The following MEGF11 variants were observed in gnomAD, a reference collection of about 807,000 sequenced individuals.
The protein encoded by MEGF11 is multiple EGF like domains 11.
A neutral mutation model predicts 146.6 loss-of-function variants in MEGF11; 126 were observed. The observed-to-expected ratio is 0.86, with a 90% CI of 0.74 to 1.00. The LOEUF (loss-of-function observed/expected upper bound fraction) is 1.00, where lower values mean the gene tolerates loss of function less well. Ranked by LOEUF, MEGF11 falls within the 50% of genes least tolerant of loss-of-function variation. The probability of loss-of-function intolerance (pLI) is 0.00; values close to 1 mark genes in which losing one functional copy is unlikely to be tolerated. For synonymous variants in MEGF11, 532 were observed against 583.4 expected, an observed-to-expected ratio of 0.91 and a Z score of 1.27; for missense variants, 1,509 against 1,521.2, an observed-to-expected ratio of 0.99 and a Z score of 0.13.
At chr15:66,018,893 G>T (rs1023789450) in intron 5 of MEGF11, among the ~76,000 whole-genome samples, 2 of 152,162 alleles carry the variant, frequency 1.3e-5, no homozygotes, top group Admixed American at 1.3e-4. Flanking sequence ...AGAAGAGAAA[G>T]AAACCAAGAA....
In MEGF11 at chr15:65,965,619, T is replaced by C. The variant is rs868203185; in HGVS notation, c.900-499A>G. Among the ~76,000 whole-genome samples, 936 of 119,762 alleles carry C rather than the reference T, an allele frequency of 7.8e-3. 1 individual carries two copies. Among genetic ancestry groups the C allele is most frequent in the Middle Eastern group, 0.028 (6 of 212 alleles). The allele number at this position is 119,762 out of a possible 152,430, so 78.6% of individuals were successfully genotyped here. On this transcript the variant is annotated intron_variant, in intron 8 of 25. Transcript: ENST00000395614. Reference sequence around the variant, plus strand: ...TTCTTTCTTTTTTTTTTTTCTTTTTTTTTTTTTTGGCTCTTCTATTCTTTT... The same window carrying C: ...TTCTTTCTTTTTTTTTTTTCTTTTTCTTTTTTTTGGCTCTTCTATTCTTTT...
At chr15:66,055,835 G>A (rs1460205471) in intron 5 of MEGF11, among the ~76,000 whole-genome samples, 2 of 152,124 alleles carry the variant, frequency 1.3e-5, no homozygotes, top group East Asian at 1.9e-4. Context: ...GCAGTTGAGG[G>A]GTGGTGGTGG....
At chr15:66,173,779 C>T (rs1404127689) in intron 1 of MEGF11, among the ~76,000 whole-genome samples, 1 of 152,208 alleles carries the variant, frequency 6.6e-6, no homozygotes, top group Non-Finnish European at 1.5e-5. Context: ...GTCCAACTCA[C>T]CCTCTACCAT....
intron 7 of MEGF11, among the ~76,000 whole-genome samples, chr15:65,973,007 C>T (rs1488310323): frequency 6.6e-6 from 1 of 151,642 alleles, no homozygotes; most frequent in African/African-American, 2.4e-5. Context: ...ATCCCAGCTA[C>T]TGGGGAGGCT....
rs1467305729 is a variant in MEGF11 at position 65,982,472 on chromosome 15, G to C, written c.411C>G (p.His137Gln). 12 of 1,479,988 alleles carry C rather than the reference G, an allele frequency of 8.1e-6. No individual in the cohort carries two copies. The African/African-American group carries it at 1.7e-4, about 21-fold the overall frequency. 91.7% of individuals were successfully genotyped at this position (1,479,988 alleles called of 1,614,324 possible). ...ACCGGTTGCTGCAGTGGGGCCCCCAGTGGTCGCTGTCGCAGCCTGCAAGAG... is the reference window on the plus strand; with the variant it reads ...ACCGGTTGCTGCAGTGGGGCCCCCACTGGTCGCTGTCGCAGCCTGCAAGAG... ...PDCSSGCDSDHWGPHCSNRCQ... is the reference protein window; with the variant it reads ...PDCSSGCDSDQWGPHCSNRCQ... Residue 137 changes from histidine (H) to glutamine (Q), a missense_variant, in exon 6 of 26, where the codon CAC (histidine) becomes CAG (glutamine). His to Gln is a conservative substitution (Grantham distance 24). Transcript: ENST00000395614. The surrounding 1 kb of genome is among the most constrained non-coding windows in gnomAD (Gnocchi z 5.6).
chr15:66,052,663 A>G (rs2084499583), intron 5 of MEGF11, among the ~76,000 whole-genome samples: 1 of 152,168 alleles, frequency 6.6e-6, no homozygotes, highest in African/African-American at 2.4e-5. Context: ...GAGAAAGATG[A>G]TAATGGGCCA....
rs368072107 is a variant in MEGF11 at position 65,974,672 on chromosome 15, G to A, written c.763-3983C>T. 8.7e-4 allele frequency among the ~76,000 whole-genome samples: 132 copies of A among 152,088 alleles called. 1 individual carries two copies. In the East Asian group the frequency reaches 0.022, roughly 26 times the overall value. On this transcript the variant is annotated intron_variant, in intron 7 of 25. Coordinates refer to ENST00000395614, the MANE Select transcript of MEGF11 (RefSeq NM_001385028.1). ...TCCATCTCAAAAGAAAAAAAGAAAA[G>A]TCAGAGTAGGGGTCCTTCTTCCTCC...
intron 5 of MEGF11, among the ~76,000 whole-genome samples, chr15:66,087,980 G>A (rs996403924): frequency 1.3e-5 from 2 of 152,046 alleles, no homozygotes; most frequent in South Asian, 2.1e-4. Flanking sequence ...ACAAAGAAAC[G>A]CAACAGGAGA....
At chr15:66,138,330 G>A (rs1348914016) in intron 1 of MEGF11, among the ~76,000 whole-genome samples, 4 of 152,190 alleles carry the variant, frequency 2.6e-5, no homozygotes, top group African/African-American at 9.7e-5. Context: ...ACAATGGTGT[G>A]GCATGTGTCC....
At chr15:66,246,447 G>A (rs1359582673) in intron 1 of MEGF11, among the ~76,000 whole-genome samples, 2 of 152,018 alleles carry the variant, frequency 1.3e-5, no homozygotes, top group African/African-American at 4.8e-5. Context: ...GGAAACATTA[G>A]ATTTCAGTTT....
Position 66,057,748 on chromosome 15 carries a change from T to G in MEGF11, c.394+36654A>C, listed in dbSNP as rs549761074. Among the ~76,000 whole-genome samples the G allele has an allele frequency of 3.3e-5, 5 of 152,292 alleles. No homozygotes were observed. In the South Asian group the frequency reaches 8.3e-4, roughly 25 times the overall value. On this transcript the variant is annotated intron_variant, in intron 5 of 25. Coordinates refer to ENST00000395614, the MANE Select transcript of MEGF11 (RefSeq NM_001385028.1). The stretch of plus-strand genomic sequence containing the variant: ...ACTTATTCTCCTATTATTATGATTA[T>G]GTTTAGGCTCACTGACATTTCATCA...
At chr15:65,948,630 C>G (rs2080283566) in intron 10 of MEGF11, among the ~76,000 whole-genome samples, 1 of 152,176 alleles carries the variant, frequency 6.6e-6, no homozygotes, top group Non-Finnish European at 1.5e-5. Context: ...TAAACCCTGA[C>G]AAACATTTAC....
chr15:66,250,283 C>T (rs1448046249), intron 1 of MEGF11, among the ~76,000 whole-genome samples: 3 of 152,234 alleles, frequency 2.0e-5, no homozygotes, highest in African/African-American at 7.2e-5. Context: ...CCAAATCTCA[C>T]AGCCAACAGC....
chr15:65,898,476 C>G (rs558348605), intron 25 of MEGF11: 2 of 985,348 alleles, frequency 2.0e-6, no homozygotes, highest in East Asian at 2.3e-4. Context: ...CGTGCATGTG[C>G]CCATTTCCCA....
intron 5 of MEGF11, among the ~76,000 whole-genome samples, chr15:66,042,662 C>G (rs980579429): frequency 2.0e-5 from 3 of 152,188 alleles, no homozygotes; most frequent in African/African-American, 7.2e-5. Flanking sequence ...CACACTCCCC[C>G]TGAAACCTGT....
chr15:66,031,391 G>T (rs1489120859), intron 5 of MEGF11, among the ~76,000 whole-genome samples: 1 of 152,160 alleles, frequency 6.6e-6, no homozygotes, highest in Non-Finnish European at 1.5e-5. Flanking sequence ...CTGGGTGAAG[G>T]GTTAGCAAAG....
intron 24 of MEGF11, 51 bp from the exon 25 acceptor site, chr15:65,898,985 G>A: frequency 6.3e-7 from 1 of 1,580,214 alleles, no homozygotes; most frequent in South Asian, 1.1e-5. Context: ...AAGTCTTCAT[G>A]TTAATATCAG....
intron 1 of MEGF11, among the ~76,000 whole-genome samples, chr15:66,157,620 T>C (rs1337747087): frequency 6.6e-6 from 1 of 152,218 alleles, no homozygotes; most frequent in Admixed American, 6.5e-5. Context: ...AGAGGGGACA[T>C]TGTTAGAAGC....
chr15:66,122,199 G>A (rs1244830735), intron 3 of MEGF11, among the ~76,000 whole-genome samples: 12 of 151,600 alleles, frequency 7.9e-5, no homozygotes, highest in Middle Eastern at 3.4e-3. Flanking sequence ...GGAAGCCAGC[G>A]ATTGCAGTGA....
Sources: gnomAD v4.1 joint callset for allele counts (sites outside exome capture counted in the v4.1 genomes callset) on GRCh38, gnomAD v4.1.1 for gene constraint, Gnocchi (gnomAD v3.1) non-coding constraint, MANE v1.5 for transcripts, NCBI Gene and HGNC (gene_info 2026-07-23, HGNC 2026-07-21) for gene names.